The following PSD3 variants were observed in gnomAD, a reference collection of about 807,000 sequenced individuals.
The protein encoded by PSD3 is pleckstrin and Sec7 domain containing 3, also known as PH and SEC7 domain-containing protein 3.
A neutral mutation model predicts 105.5 loss-of-function variants in PSD3; 49 were observed. The observed-to-expected ratio is 0.46, with a 90% CI of 0.37 to 0.59. PSD3 has a LOEUF of 0.59. Ranked by LOEUF, PSD3 falls within the 20% of genes least tolerant of loss-of-function variation. The probability of loss-of-function intolerance (pLI) is 0.00; values close to 1 mark genes in which losing one functional copy is unlikely to be tolerated. For synonymous variants in PSD3, 557 were observed against 457.8 expected (o/e 1.22, Z -2.77); for missense variants, 1,561 against 1,263.8 (o/e 1.24, Z -3.57).
At chr8:18,722,387 T>C (rs1803044700) in intron 9 of PSD3, among the ~76,000 whole-genome samples, 1 of 152,156 alleles carries the variant, frequency 6.6e-6, no homozygotes. Flanking sequence ...ATCCATGTTC[T>C]TATATGTTCT....
At chr8:18,694,818 C>T (rs2016076) in intron 9 of PSD3, among the ~76,000 whole-genome samples, 128,851 of 151,522 alleles carry the variant, frequency 0.85, 55,961 homozygotes, top group Non-Finnish European at 0.95. Context: ...ACCCTATCTC[C>T]ACTGAAAAAA....
chr8:19,047,038 A>ATCC (rs771194370), intron 1 of PSD3, among the ~76,000 whole-genome samples: 5 of 152,024 alleles, frequency 3.3e-5, no homozygotes, highest in Non-Finnish European at 5.9e-5. Flanking sequence ...TTATCAGTGT[A>ATCC]TCCTCTGCAT....
chr8:18,975,538 C>T (rs958709), intron 1 of PSD3, among the ~76,000 whole-genome samples: 121,752 of 152,016 alleles, frequency 0.8, 49,274 homozygotes, highest in Middle Eastern at 0.9. Context: ...ATTCTTTATC[C>T]ATAAGATTAA....
intron 1 of PSD3, among the ~76,000 whole-genome samples, chr8:18,998,185 GT>G (rs1826182270): frequency 6.6e-6 from 1 of 151,860 alleles, no homozygotes; most frequent in Non-Finnish European, 1.5e-5. Flanking sequence ...TAAAAGAGTT[GT>G]ATTTTAAATA....
intron 1 of PSD3, among the ~76,000 whole-genome samples, chr8:19,046,119 G>T (rs1828308220): frequency 6.6e-6 from 1 of 152,044 alleles, no homozygotes; most frequent in South Asian, 2.1e-4. Context: ...TTTTGTTGTT[G>T]GTGGTGTTTT....
chr8:18,880,845 T>A (rs1193343261), intron 2 of PSD3, among the ~76,000 whole-genome samples: 1 of 152,142 alleles, frequency 6.6e-6, no homozygotes, highest in African/African-American at 2.4e-5. Context: ...TTGTTAAATA[T>A]AAAAAAAGAA....
chr8:18,630,935 T>C (rs550911539), intron 11 of PSD3, among the ~76,000 whole-genome samples: 11 of 152,174 alleles, frequency 7.2e-5, no homozygotes, highest in African/African-American at 2.6e-4. Flanking sequence ...GCAGATACTA[T>C]GCCATTTTAT....
chr8:19,003,974 G>C (rs1023070900), intron 1 of PSD3, among the ~76,000 whole-genome samples: 7 of 151,998 alleles, frequency 4.6e-5, no homozygotes, highest in African/African-American at 1.7e-4. Context: ...CTTAAGACTT[G>C]CATGGGGTGA....
At chr8:18,839,048 G>A (rs1325212566) in intron 4 of PSD3, among the ~76,000 whole-genome samples, 4 of 151,612 alleles carry the variant, frequency 2.6e-5, no homozygotes, top group Non-Finnish European at 5.9e-5. Context: ...ACAAGCAGAA[G>A]GGAGAGGCCT....
intron 9 of PSD3, chr8:18,730,438 C>G (rs988921088): frequency 6.6e-6 from 1 of 152,138 alleles, no homozygotes; most frequent in African/African-American, 2.4e-5. Context: ...ATACAAAAAC[C>G]CTTTATATAT....
chr8:18,902,757 C>T (rs1819589857), intron 2 of PSD3, among the ~76,000 whole-genome samples: 1 of 152,172 alleles, frequency 6.6e-6, no homozygotes, highest in African/African-American at 2.4e-5. Flanking sequence ...AGTCTCTGTG[C>T]AGACTCTTCA....
intron 14 of PSD3, among the ~76,000 whole-genome samples, chr8:18,569,064 C>T (rs1356928362): frequency 1.5e-5 from 2 of 131,572 alleles, no homozygotes; most frequent in African/African-American, 5.4e-5. Context: ...GCGTAGTATT[C>T]CATGGTGTAT....
chr8:19,057,327 T>C (rs1399661073), intron 1 of PSD3, among the ~76,000 whole-genome samples: 2 of 152,170 alleles, frequency 1.3e-5, no homozygotes, highest in Non-Finnish European at 2.9e-5. Context: ...TTCACCCCCA[T>C]CTTTCCATGG....
chr8:19,084,083 CTGT>C (rs1829730145), intron 1 of PSD3: 1 of 353,488 alleles, frequency 2.8e-6, no homozygotes, highest in African/African-American at 2.1e-5. Flanking sequence ...GGTACCTCTG[CTGT>C]TGAGGTGTGG....
intron 1 of PSD3, among the ~76,000 whole-genome samples, chr8:18,964,051 G>A (rs1824093436): frequency 6.6e-6 from 1 of 152,098 alleles, no homozygotes; most frequent in Non-Finnish European, 1.5e-5. Context: ...ATATTTATAG[G>A]CAAAATACCT....
intron 9 of PSD3, among the ~76,000 whole-genome samples, chr8:18,674,531 C>T (rs1294012019): frequency 6.6e-6 from 1 of 152,140 alleles, no homozygotes; most frequent in East Asian, 1.9e-4. Context: ...CACACTGTTA[C>T]CTTAAATTCT....
chr8:18,698,744 T>C (rs1801405829), intron 9 of PSD3, among the ~76,000 whole-genome samples: 1 of 152,178 alleles, frequency 6.6e-6, no homozygotes, highest in Admixed American at 6.5e-5. Flanking sequence ...TCCAAGATGG[T>C]ATATCTATGT....
At chr8:18,620,785 A>G (rs1806057307) in intron 11 of PSD3, among the ~76,000 whole-genome samples, 1 of 152,216 alleles carries the variant, frequency 6.6e-6, no homozygotes, top group Admixed American at 6.5e-5. Flanking sequence ...TCTTTTGCAT[A>G]TACATTCTTA....
At chr8:18,653,768 A>G (rs549375932) in intron 10 of PSD3, among the ~76,000 whole-genome samples, 1 of 146,270 alleles carries the variant, frequency 6.8e-6, no homozygotes, top group African/African-American at 2.5e-5. Flanking sequence ...GTAACAAATT[A>G]AAAAAAAAAA....
Sources: allele counts gnomAD v4.1 joint callset (sites outside exome capture counted in the v4.1 genomes callset), GRCh38; gene constraint gnomAD v4.1.1; transcripts MANE v1.5; gene names NCBI Gene and HGNC (gene_info 2026-07-23, HGNC 2026-07-21).